The following OPCML variants were observed in gnomAD, a reference collection of about 807,000 sequenced individuals.
OPCML encodes the protein opioid-binding protein/cell adhesion molecule.
Under a neutral mutation model 37.8 loss-of-function variants are expected in OPCML, and 13 were observed. The observed-to-expected ratio is 0.34, with a 90% confidence interval of 0.22 to 0.55. OPCML has a LOEUF of 0.55. Ranked by LOEUF, OPCML falls within the 20% of genes least tolerant of loss-of-function variation. The pLI is 0.91. For missense variants in OPCML, 341 were observed against 435.6 expected, an observed-to-expected ratio of 0.78 and a Z score of 1.93; for synonymous variants, 176 against 168.8, an observed-to-expected ratio of 1.04 and a Z score of -0.33.
At chr11:132,968,644 C>T (rs765860588) in intron 1 of OPCML, among the ~76,000 whole-genome samples, 85 of 152,206 alleles carry the variant, frequency 5.6e-4, no homozygotes, top group Non-Finnish European at 6.2e-4. Context: ...GCCACATTGG[C>T]GATTACATTT....
chr11:132,706,077 A>T (rs1944023015), intron 2 of OPCML, among the ~76,000 whole-genome samples: 2 of 152,166 alleles, frequency 1.3e-5, no homozygotes, highest in Admixed American at 1.3e-4. Context: ...AAGTGCTGGG[A>T]TTACAGGCAT....
At chr11:133,083,488 C>G (rs1372246780) in intron 1 of OPCML, among the ~76,000 whole-genome samples, 1 of 152,240 alleles carries the variant, frequency 6.6e-6, no homozygotes, top group African/African-American at 2.4e-5. Context: ...AGGCAGGGCC[C>G]CGGAAGGCTC....
intron 1 of OPCML, among the ~76,000 whole-genome samples, chr11:133,229,317 A>G (rs1194665964): frequency 6.6e-6 from 1 of 152,176 alleles, no homozygotes; most frequent in Non-Finnish European, 1.5e-5. Context: ...GTCTGAAAAT[A>G]TTATTTGGAA....
intron 1 of OPCML, among the ~76,000 whole-genome samples, chr11:133,440,399 CAAA>C (rs574269636): frequency 6.0e-5 from 6 of 100,186 alleles, no homozygotes; most frequent in Admixed American, 1.1e-4. Flanking sequence ...AACTCCATCT[CAAA>C]AAAAAAAAAA....
intron 2 of OPCML, among the ~76,000 whole-genome samples, chr11:132,670,285 A>G (rs1942409356): frequency 6.6e-6 from 1 of 152,160 alleles, no homozygotes; most frequent in Non-Finnish European, 1.5e-5. Context: ...CCGCACAACT[A>G]TCGTGGGAGC....
At chr11:133,078,112 A>G (rs1406895223) in intron 1 of OPCML, among the ~76,000 whole-genome samples, 1 of 152,174 alleles carries the variant, frequency 6.6e-6, no homozygotes, top group Non-Finnish European at 1.5e-5. Context: ...GAATCTGCAA[A>G]GATGTCTGCT....
At chr11:133,309,471 T>C (rs2136588519) in intron 1 of OPCML, among the ~76,000 whole-genome samples, 1 of 152,268 alleles carries the variant, frequency 6.6e-6, no homozygotes, top group East Asian at 1.9e-4. Context: ...TAAAAACCTG[T>C]CACAGATTGG....
rs1945542908 is a variant in OPCML, at chr11:132,744,367, C to A, written c.147-87048G>T. 2.6e-5 allele frequency among the ~76,000 whole-genome samples: 4 copies of A among 152,196 alleles called. No individual in the cohort carries two copies. The South Asian group carries it at 8.3e-4, about 31-fold the overall frequency. On this transcript the variant is annotated intron_variant, in intron 2 of 7. Transcript: ENST00000524381. ...TTGTTTTGAAACTTTTGCCTCCCAA[C>A]TTTGAACTTTTAGGACATCATTCCA...
intron 2 of OPCML, among the ~76,000 whole-genome samples, chr11:132,879,071 T>C (rs1943130658): frequency 6.6e-6 from 1 of 152,330 alleles, no homozygotes; most frequent in South Asian, 2.1e-4. Context: ...CATGGCTCAG[T>C]GGTAGAAACT....
chr11:132,580,205 T>C (rs932287419), intron 3 of OPCML, among the ~76,000 whole-genome samples: 1 of 152,196 alleles, frequency 6.6e-6, no homozygotes, highest in Non-Finnish European at 1.5e-5. Context: ...CATTTCTGTA[T>C]GACTCCGCAG....
chr11:133,170,699 A>G (rs1486164578), intron 1 of OPCML, among the ~76,000 whole-genome samples: 1 of 152,216 alleles, frequency 6.6e-6, no homozygotes, highest in Non-Finnish European at 1.5e-5. Context: ...TCTGAATTTA[A>G]GTCTAAATGA....
At chr11:132,429,744 TC>T (rs1468425768) in intron 7 of OPCML, among the ~76,000 whole-genome samples, 9 of 152,106 alleles carry the variant, frequency 5.9e-5, no homozygotes, top group African/African-American at 2.2e-4. Context: ...CTCAGGACCT[TC>T]CCTAGAGATT....
intron 1 of OPCML, among the ~76,000 whole-genome samples, chr11:133,424,830 C>T (rs1012775939): frequency 5.3e-5 from 8 of 152,118 alleles, no homozygotes; most frequent in African/African-American, 1.9e-4. Flanking sequence ...GCATCTGCTG[C>T]GGAGGTAGCA....
At chr11:133,507,294 A>G (rs1310036632) in intron 1 of OPCML, among the ~76,000 whole-genome samples, 1 of 152,230 alleles carries the variant, frequency 6.6e-6, no homozygotes, top group Non-Finnish European at 1.5e-5. Context: ...GATGGGACAC[A>G]GTGCTGAAAT....
chr11:133,268,876 C>A (rs1432832038), intron 1 of OPCML, among the ~76,000 whole-genome samples: 1 of 152,148 alleles, frequency 6.6e-6, no homozygotes, highest in Non-Finnish European at 1.5e-5. Context: ...TCTCTGAAGG[C>A]AGGTTTTGCC....
At position 133,422,157 on chromosome 11, in the gene OPCML, T is replaced by TTGC. The variant is rs1234215452; in HGVS notation, c.61+110106_61+110107insGCA. The TTGC allele has an allele frequency of 1.7e-5, 16 of 944,446 alleles. No homozygotes were observed. The East Asian group carries it at 1.8e-3, about 104-fold the overall frequency. The allele number at this position is 944,446 out of a possible 1,614,324, so 58.5% of individuals were successfully genotyped here. On this transcript the variant is annotated intron_variant, in intron 1 of 7. Coordinates refer to ENST00000524381, the MANE Select transcript of OPCML (RefSeq NM_001012393.5). Reference sequence around the variant, plus strand: ...GGCAGGCCCCGATGTGTTTGTTTGTTTGTTGTTGTTGTTGTTGTTCACTCC... The same window carrying TTGC: ...GGCAGGCCCCGATGTGTTTGTTTGTTTGCTGTTGTTGTTGTTGTTGTTCACTCC...
At chr11:132,629,393 A>G (rs1939953928) in intron 3 of OPCML, among the ~76,000 whole-genome samples, 1 of 152,198 alleles carries the variant, frequency 6.6e-6, no homozygotes, top group South Asian at 2.1e-4. Flanking sequence ...TATATGCAAC[A>G]AAATTATTGT....
chr11:133,063,014 G>A (rs1026811336), intron 1 of OPCML, among the ~76,000 whole-genome samples: 6 of 152,252 alleles, frequency 3.9e-5, no homozygotes, highest in South Asian at 2.1e-4. Flanking sequence ...TCCCATGGCC[G>A]GGGGCCAGCA....
intron 5 of OPCML, 136 bp downstream of exon 5, chr11:132,437,086 C>A: frequency 7.0e-7 from 1 of 1,423,130 alleles, no homozygotes; most frequent in South Asian, 1.4e-5. Context: ...CCATGGTGGG[C>A]AAAGCCATCT....
Sources: gnomAD v4.1 joint callset for allele counts (sites outside exome capture counted in the v4.1 genomes callset) on GRCh38, gnomAD v4.1.1 for gene constraint, MANE v1.5 for transcripts, NCBI Gene and HGNC (gene_info 2026-07-23, HGNC 2026-07-21) for gene names.